SULT1C3: variants seen among roughly 807,000 people sequenced by gnomAD.
The protein encoded by SULT1C3 is sulfotransferase family 1C member 3.
A neutral mutation model predicts 28.4 loss-of-function variants in SULT1C3; 31 were observed. The ratio of observed to expected loss-of-function variants is 1.09; its 90% CI spans 0.82 to 1.47. The LOEUF (loss-of-function observed/expected upper bound fraction) is 1.47, where lower values mean the gene tolerates loss of function less well. SULT1C3 is among the 40% of genes most tolerant of loss of function. The probability of loss-of-function intolerance (pLI) is 0.00; values close to 1 mark genes in which losing one functional copy is unlikely to be tolerated. For missense variants in SULT1C3, 307 were observed against 272.5 expected, an observed-to-expected ratio of 1.13 and a Z score of -0.89; for synonymous variants, 106 against 92.2, an observed-to-expected ratio of 1.15 and a Z score of -0.86.
At chr2:108,258,681 G>T in intron 5 of SULT1C3, 53 bp from the exon 6 acceptor site, 1 of 1,349,144 alleles carries the variant, frequency 7.4e-7, no homozygotes, top group African/African-American at 1.5e-5. Flanking sequence ...TTACTTTATA[G>T]CCTTGGGTTT....
intron 4 of SULT1C3, among the ~76,000 whole-genome samples, chr2:108,254,664 C>T (rs560548404): frequency 6.6e-6 from 1 of 151,246 alleles, no homozygotes; most frequent in Admixed American, 6.6e-5. Flanking sequence ...TCACCATGCC[C>T]CTCTGTCCTA....
Position 108,260,677 on chromosome 2 carries a change from C to G in SULT1C3, c.912C>G (p.Ile304Met), listed in dbSNP as rs1313177460. 1 of 466,824 alleles carries G rather than the reference C, an allele frequency of 2.1e-6. No homozygotes were observed. The highest frequency in any genetic ancestry group is 4.3e-6 in the Non-Finnish European group (1 of 232,270). The allele number at this position is 466,824 out of a possible 1,614,324, so 28.9% of individuals were successfully genotyped here. A position where few individuals can be genotyped will look rare whatever the true frequency, so the allele number is the denominator to read the frequency against. Residue 304 changes from isoleucine (I) to methionine (M), a missense_variant, in exon 8 of 8, where the codon ATC (isoleucine) becomes ATG (methionine). Coordinates refer to ENST00000681802, the MANE Select transcript of SULT1C3 (RefSeq NM_001320878.2). ...AGSTLNFCLE[I>M] ...CCACACTGAACTTCTGCCTGGAGAT[C>G]TGAGAGGAACAACAACAAACTAGGT...
downstream of SULT1C3, among the ~76,000 whole-genome samples, chr2:108,262,582 T>G (rs950800845): frequency 6.6e-6 from 1 of 152,168 alleles, no homozygotes; most frequent in African/African-American, 2.4e-5. Flanking sequence ...TGTTAAGAAC[T>G]GTAAGGTTTG....
In SULT1C3 at chr2:108,259,076, TC is replaced by T; in HGVS notation, c.735del (p.Met246TrpfsTer20). On this transcript the variant is annotated frameshift_variant, in exon 7 of 8. Transcript: ENST00000681802. LOFTEE classifies it high-confidence loss of function. ...CCTCATTTGATGTAATGAAGGATAA[TC>T]CCATGGCCAACCATACTGCGGTACC... ...HTSFDVMKDN[P>X]MANHTAVPAH... The T allele has an allele frequency of 1.6e-6, 1 of 642,366 alleles. No individual in the cohort carries two copies. The highest frequency in any genetic ancestry group is 2.9e-6 in the Non-Finnish European group (1 of 349,852). 39.8% of individuals were successfully genotyped at this position (642,366 alleles called of 1,614,324 possible). A position where few individuals can be genotyped will look rare whatever the true frequency, so the allele number is the denominator to read the frequency against.
downstream of SULT1C3, among the ~76,000 whole-genome samples, chr2:108,262,337 T>C (rs1383292343): frequency 1.3e-5 from 2 of 152,144 alleles, no homozygotes; most frequent in African/African-American, 4.8e-5. Flanking sequence ...AAATTTCATT[T>C]TCCTACTCAG....
rs149752941 is a variant in SULT1C3, at chr2:108,255,676, T to C, written c.504T>C (p.Tyr168=). The C allele has an allele frequency of 8.4e-5, 135 of 1,608,872 alleles. No homozygotes were observed. The African/African-American group carries it at 1.4e-3, about 17-fold the overall frequency. Reference sequence around the variant, plus strand: ...ATCCTCAGAACTTAGAGGAATTTTATGAGAAATTCATGTCCGGAAAAGGTG... The same window carrying C: ...ATCCTCAGAACTTAGAGGAATTTTACGAGAAATTCATGTCCGGAAAAGGTG... ...MPDPQNLEEF[Y]EKFMSGKVVG... is the part of the protein sequence containing the mutation. The change falls in exon 5 of 8, where the codon TAT becomes TAC. Residue 168 remains tyrosine (Y), a synonymous_variant. Transcript: ENST00000681802.
intron 2 of SULT1C3, 148 bp downstream of exon 2, chr2:108,247,514 A>C (rs1573216066): frequency 2.8e-6 from 2 of 720,316 alleles, no homozygotes; most frequent in East Asian, 6.4e-5. Flanking sequence ...GACATTTAGC[A>C]TTCCTGATCC....
chr2:108,246,822 C>G (rs1675593407), intron 1 of SULT1C3, among the ~76,000 whole-genome samples: 1 of 152,132 alleles, frequency 6.6e-6, no homozygotes. Flanking sequence ...ATATATGACA[C>G]ATAACCCATT....
chr2:108,260,170 A>G (rs1308017179), intron 7 of SULT1C3, among the ~76,000 whole-genome samples: 1 of 152,120 alleles, frequency 6.6e-6, no homozygotes, highest in Non-Finnish European at 1.5e-5. Context: ...ATCTTCTACA[A>G]TGAGGTTACT....
chr2:108,259,553 C>T lies in SULT1C3; in HGVS notation c.802+407C>T, dbSNP rs529340295. 6.6e-5 allele frequency among the ~76,000 whole-genome samples: 10 copies of T among 152,208 alleles called. No homozygotes were observed. The South Asian group carries it at 1.7e-3, about 25-fold the overall frequency. On this transcript the variant is annotated intron_variant, in intron 7 of 7. Coordinates refer to ENST00000681802, the MANE Select transcript of SULT1C3 (RefSeq NM_001320878.2). ...CTTTGAACACTCATCTTTAGTCTAT[C>T]CCTGTAGTTCAAAACCCTAGCTAAG...
chr2:108,248,079 A>G (rs1675631581), intron 2 of SULT1C3, among the ~76,000 whole-genome samples: 1 of 152,192 alleles, frequency 6.6e-6, no homozygotes, highest in South Asian at 2.1e-4. Context: ...TGATCAGTAT[A>G]TATTCCCAGA....
At chr2:108,256,599 A>G (rs988292904) in intron 5 of SULT1C3, among the ~76,000 whole-genome samples, 3 of 152,078 alleles carry the variant, frequency 2.0e-5, no homozygotes, top group African/African-American at 7.2e-5. Flanking sequence ...CCAGTCCTTG[A>G]GCAACCTAAC....
chr2:108,261,046 C>G (rs13006087), downstream of SULT1C3, among the ~76,000 whole-genome samples: 40,863 of 151,898 alleles, frequency 0.27, 6,921 homozygotes, highest in South Asian at 0.38. Context: ...TATTACAAGC[C>G]CCATTGTTAA....
rs763530794 is a variant in SULT1C3, at chr2:108,247,269, A to T, written c.75A>T (p.Gly25=). 1 of 1,595,552 alleles carries T rather than the reference A, an allele frequency of 6.3e-7. No homozygotes were observed. The highest frequency in any genetic ancestry group is 8.5e-7 in the Non-Finnish European group (1 of 1,169,722). Residue 25 remains glycine, a synonymous_variant, in exon 2 of 8, where the codon GGA becomes GGT. Coordinates refer to ENST00000681802, the MANE Select transcript of SULT1C3 (RefSeq NM_001320878.2). ...TGTTTAACATCATGGAAGTAGATGG[A>T]GTCCCTACGTTGATATTATCAAAAG... is the stretch of plus-strand genomic sequence containing the variant. The part of the protein sequence containing the change: ...PELFNIMEVD[G]VPTLILSKEW...
chr2:108,265,034 A>C, downstream of SULT1C3: 1 of 1,581,852 alleles, frequency 6.3e-7, no homozygotes, highest in Non-Finnish European at 8.6e-7. Flanking sequence ...CTAAGATGTC[A>C]AATGGAACTC....
At position 108,240,034 on chromosome 2, in the gene SULT1C3, C is replaced by T. The variant is rs1188573084; in HGVS notation, c.-57C>T. On this transcript the variant is annotated 5_prime_UTR_variant, in exon 1 of 8. Transcript: ENST00000681802. ...GACCTGGCTCTGGGTTTCCAGGAAG[C>T]AGTTTGACTAAAGGCAGCAAGCTGC... is the stretch of plus-strand genomic sequence containing the variant. 6.6e-6 allele frequency among the ~76,000 whole-genome samples: 1 copy of T among 152,210 alleles called. No homozygotes were observed. Among genetic ancestry groups the T allele is most frequent in the African/African-American group, 2.4e-5 (1 of 41,454 alleles).
At chr2:108,245,254 C>T (rs544146716) in intron 1 of SULT1C3, among the ~76,000 whole-genome samples, 4 of 152,202 alleles carry the variant, frequency 2.6e-5, no homozygotes, top group African/African-American at 9.6e-5. Flanking sequence ...CAGTCTTAGT[C>T]TTCTGCCTTT....
At chr2:108,259,202 C>T (rs1270730857) in intron 7 of SULT1C3, 56 bp downstream of exon 7, 1 of 249,688 alleles carries the variant, frequency 4.0e-6, no homozygotes, top group East Asian at 9.5e-5. Context: ...ACCCTATATG[C>T]TAAAATAATT....
At chr2:108,262,806 T>C (rs1381822990), downstream of SULT1C3, among the ~76,000 whole-genome samples, 1 of 152,172 alleles carries the variant, frequency 6.6e-6, no homozygotes, top group Admixed American at 6.5e-5. Context: ...CGGGCTGCTA[T>C]TTCCTGTGGC....
Sources: gnomAD v4.1 joint callset for allele counts (sites outside exome capture counted in the v4.1 genomes callset) on GRCh38, gnomAD v4.1.1 for gene constraint, MANE v1.5 for transcripts, NCBI Gene and HGNC (gene_info 2026-07-23, HGNC 2026-07-21) for gene names.